ARHGAP15: variants seen among roughly 807,000 people sequenced by gnomAD.
The protein encoded by ARHGAP15 is Rho GTPase activating protein 15, also known as rho GTPase-activating protein 15.
Under a neutral mutation model 63.7 loss-of-function variants are expected in ARHGAP15, and 51 were observed. The ratio of observed to expected loss-of-function variants is 0.80; its 90% CI spans 0.64 to 1.01. ARHGAP15 has a LOEUF of 1.01. Ranked by LOEUF, ARHGAP15 falls within the 50% of genes least tolerant of loss-of-function variation. ARHGAP15 has a pLI of 0.00. For synonymous variants in ARHGAP15, 191 were observed against 193.8 expected, an observed-to-expected ratio of 0.99 and a Z score of 0.12; for missense variants, 560 against 564.6, an observed-to-expected ratio of 0.99 and a Z score of 0.08.
intron 6 of ARHGAP15, among the ~76,000 whole-genome samples, chr2:143,387,645 G>A (rs897661953): frequency 2.6e-5 from 4 of 151,654 alleles, no homozygotes; most frequent in Non-Finnish European, 1.5e-5. Context: ...TAATTACCAG[G>A]TATGAACCAG....
intron 12 of ARHGAP15, chr2:143,641,115 C>G (rs1680577046): frequency 6.6e-6 from 1 of 152,106 alleles, no homozygotes; most frequent in Admixed American, 6.6e-5. Context: ...TTAAACAGTA[C>G]TCACTTTTGA....
At chr2:143,383,297 G>C (rs1687134734) in intron 6 of ARHGAP15, among the ~76,000 whole-genome samples, 1 of 152,092 alleles carries the variant, frequency 6.6e-6, no homozygotes. Context: ...GAAAATGGAG[G>C]AAAATAGAAC....
chr2:143,565,882 G>A (rs1038707751), intron 11 of ARHGAP15, among the ~76,000 whole-genome samples: 7 of 152,186 alleles, frequency 4.6e-5, no homozygotes, highest in African/African-American at 1.4e-4. Context: ...AATTTTGAAA[G>A]CATGTCTTTT....
intron 6 of ARHGAP15, among the ~76,000 whole-genome samples, chr2:143,407,987 G>GTATATATATATATATA (rs58194704): frequency 5.2e-5 from 4 of 77,422 alleles, no homozygotes; most frequent in Non-Finnish European, 8.6e-5. Flanking sequence ...TTCTGTGTGT[G>GTATATATATATATATA]TATATATATA....
intron 6 of ARHGAP15, among the ~76,000 whole-genome samples, chr2:143,300,830 G>A (rs912830354): frequency 1.3e-5 from 2 of 151,978 alleles, no homozygotes; most frequent in African/African-American, 4.8e-5. Context: ...AGAGGAATTT[G>A]GCACTCTTGG....
chr2:143,671,125 T>C (rs751426114), intron 12 of ARHGAP15, among the ~76,000 whole-genome samples: 9 of 152,236 alleles, frequency 5.9e-5, no homozygotes, highest in African/African-American at 9.6e-5. Context: ...CAATTGAACA[T>C]TAGTATGAAC....
At chr2:143,342,422 C>T (rs973488627) in intron 6 of ARHGAP15, among the ~76,000 whole-genome samples, 8 of 152,030 alleles carry the variant, frequency 5.3e-5, no homozygotes, top group African/African-American at 1.9e-4. Flanking sequence ...ATTAATAAAG[C>T]CTTAATAAAG....
chr2:143,629,848 TTTCTTACTC>T (rs1217712451), intron 12 of ARHGAP15, among the ~76,000 whole-genome samples: 1 of 152,184 alleles, frequency 6.6e-6, no homozygotes, highest in Non-Finnish European at 1.5e-5. Flanking sequence ...AGAACAGGAT[TTTCTTACTC>T]CATGTTAGGC....
chr2:143,198,124 G>A (rs1040584072), intron 2 of ARHGAP15, among the ~76,000 whole-genome samples: 2 of 151,956 alleles, frequency 1.3e-5, no homozygotes. Flanking sequence ...TTTACACTTC[G>A]ATACTTATAA....
At chr2:143,566,221 A>T (rs1452873896) in intron 11 of ARHGAP15, among the ~76,000 whole-genome samples, 1 of 152,188 alleles carries the variant, frequency 6.6e-6, no homozygotes, top group African/African-American at 2.4e-5. Flanking sequence ...TTATGCCCTT[A>T]TGTGTATGGA....
chr2:143,493,295 T>C (rs1692668995), intron 9 of ARHGAP15, among the ~76,000 whole-genome samples: 3 of 152,284 alleles, frequency 2.0e-5, no homozygotes, highest in Middle Eastern at 3.4e-3. Context: ...GGCTTTTTCA[T>C]ATTTTGGACT....
At chr2:143,136,093 CTTAG>C (rs1689125554) in intron 1 of ARHGAP15, among the ~76,000 whole-genome samples, 1 of 152,036 alleles carries the variant, frequency 6.6e-6, no homozygotes, top group Admixed American at 6.5e-5. Flanking sequence ...TTGCCTCCAC[CTTAG>C]TTAATGACAC....
At chr2:143,624,111 AT>A in intron 11 of ARHGAP15, 21 bp from the exon 12 acceptor site, 1 of 1,611,252 alleles carries the variant, frequency 6.2e-7, no homozygotes, top group Non-Finnish European at 8.5e-7. Context: ...CAGTTGTTCC[AT>A]TTCTCCTCGT....
Position 143,221,468 on chromosome 2 carries a change from A to T in ARHGAP15, c.296+5023A>T, listed in dbSNP as rs16858897. Among the ~76,000 whole-genome samples, 464 of 152,274 alleles carry T rather than the reference A, an allele frequency of 3.0e-3. 10 individuals carry two copies. Among genetic ancestry groups the T allele is most frequent in the Admixed American group, 0.025 (380 of 15,298 alleles). ...ACAGAATACATTCAGCATTCACTTT[A>T]ATTTTTAATTGTGAACACTGAAACT... On this transcript the variant is annotated intron_variant, in intron 4 of 13. Transcript: ENST00000295095.
chr2:143,289,528 G>A (rs1379849752), intron 6 of ARHGAP15, among the ~76,000 whole-genome samples: 1 of 152,144 alleles, frequency 6.6e-6, no homozygotes, highest in African/African-American at 2.4e-5. Context: ...GAAGGCAGTA[G>A]ACACGATAGC....
At chr2:143,458,472 AC>A (rs1292332169) in intron 8 of ARHGAP15, among the ~76,000 whole-genome samples, 1 of 152,074 alleles carries the variant, frequency 6.6e-6, no homozygotes, top group Non-Finnish European at 1.5e-5. Flanking sequence ...TCTGCGCACT[AC>A]CTGCAGTGTG....
At chr2:143,385,140 GC>G (rs140901709) in intron 6 of ARHGAP15, among the ~76,000 whole-genome samples, 3,848 of 152,212 alleles carry the variant, frequency 0.025, 73 homozygotes, top group Middle Eastern at 0.044. Context: ...AATAGAGCTT[GC>G]AGAAGTCAAG....
At chr2:143,715,839 G>A (rs1288990758) in intron 13 of ARHGAP15, among the ~76,000 whole-genome samples, 1 of 152,104 alleles carries the variant, frequency 6.6e-6, no homozygotes, top group East Asian at 1.9e-4. Context: ...TTCTTCTATG[G>A]TTTTTATAGT....
rs546181736 is a variant in ARHGAP15, at chr2:143,497,575, T to C, written c.826+10080T>C. On this transcript the variant is annotated intron_variant, in intron 9 of 13. Coordinates refer to ENST00000295095, the MANE Select transcript of ARHGAP15 (RefSeq NM_018460.4). ...AGCAGTGGAAGATTCTTCAGCTTAG[T>C]TCTTGTTAGCTTTTCAGGGCCTCCA... 7.2e-5 allele frequency among the ~76,000 whole-genome samples: 11 copies of C among 152,286 alleles called. No individual in the cohort carries two copies. The South Asian group carries it at 2.1e-3, about 29-fold the overall frequency.
Sources: gnomAD v4.1 joint callset for allele counts (sites outside exome capture counted in the v4.1 genomes callset) on GRCh38, gnomAD v4.1.1 for gene constraint, MANE v1.5 for transcripts, NCBI Gene and HGNC (gene_info 2026-07-23, HGNC 2026-07-21) for gene names.